Variants in ZNRF2 observed in about 807,000 individuals in gnomAD.
The protein encoded by ZNRF2 is E3 ubiquitin-protein ligase ZNRF2.
ZNRF2 carries 16 observed loss-of-function variants against 20.4 expected under a neutral mutation model. The observed-to-expected ratio is 0.79, with a 90% confidence interval of 0.53 to 1.19. ZNRF2 has a LOEUF of 1.19. Ranked by LOEUF, ZNRF2 falls within the 50% of genes most tolerant of loss-of-function variation. The pLI is 0.00. For synonymous variants in ZNRF2, 178 were observed against 144.9 expected (o/e 1.23, Z -1.64); for missense variants, 363 against 332.4 (o/e 1.09, Z -0.72).
intron 1 of ZNRF2, among the ~76,000 whole-genome samples, chr7:30,318,838 G>A (rs1396314755): frequency 2.0e-5 from 3 of 152,216 alleles, no homozygotes; most frequent in South Asian, 2.1e-4. Flanking sequence ...GAGGCTGGGT[G>A]TGTTGGCTCA....
At chr7:30,299,720 G>A (rs962267071) in intron 1 of ZNRF2, among the ~76,000 whole-genome samples, 12 of 149,938 alleles carry the variant, frequency 8.0e-5, no homozygotes, top group African/African-American at 2.9e-4. Flanking sequence ...ATGTGATTTT[G>A]TGATGGAGGC....
intron 1 of ZNRF2, among the ~76,000 whole-genome samples, chr7:30,322,766 A>G (rs1799493214): frequency 6.6e-6 from 1 of 152,286 alleles, no homozygotes; most frequent in East Asian, 1.9e-4. Flanking sequence ...CAGGTTTCCA[A>G]ACAGCTTAGT....
At chr7:30,335,880 T>C (rs1583587506) in intron 2 of ZNRF2, among the ~76,000 whole-genome samples, 1 of 151,960 alleles carries the variant, frequency 6.6e-6, no homozygotes, top group East Asian at 1.9e-4. Context: ...AGGGTGTAGG[T>C]GATGTGTTGG....
intron 1 of ZNRF2, among the ~76,000 whole-genome samples, chr7:30,286,953 A>G (rs1386001000): frequency 6.6e-6 from 1 of 152,218 alleles, no homozygotes; most frequent in Non-Finnish European, 1.5e-5. Context: ...ATCCGTTCTC[A>G]TGTTCTGTAC....
chr7:30,299,143 T>C (rs1396435684), intron 1 of ZNRF2, among the ~76,000 whole-genome samples: 2 of 152,182 alleles, frequency 1.3e-5, no homozygotes, highest in Non-Finnish European at 2.9e-5. Context: ...ATTTGGATGA[T>C]GCCCCTGGGC....
chr7:30,339,593 T>A (rs544213545), intron 2 of ZNRF2, among the ~76,000 whole-genome samples: 1 of 152,218 alleles, frequency 6.6e-6, no homozygotes, highest in Non-Finnish European at 1.5e-5. Context: ...GTGTTATTTC[T>A]GAGGCCTTTG....
At chr7:30,303,917 G>C (rs751284670) in intron 1 of ZNRF2, among the ~76,000 whole-genome samples, 12 of 152,200 alleles carry the variant, frequency 7.9e-5, no homozygotes, top group Non-Finnish European at 1.6e-4. Flanking sequence ...AATTCAGACT[G>C]TAAAAGCAGC....
At chr7:30,361,011 C>T (rs1441874866) in intron 3 of ZNRF2, among the ~76,000 whole-genome samples, 1 of 152,064 alleles carries the variant, frequency 6.6e-6, no homozygotes, top group East Asian at 1.9e-4. Flanking sequence ...GATTGACAGA[C>T]GTTTATGTGA....
intron 2 of ZNRF2, among the ~76,000 whole-genome samples, chr7:30,342,774 T>G (rs1799816533): frequency 6.6e-6 from 1 of 152,174 alleles, no homozygotes; most frequent in South Asian, 2.1e-4. Context: ...ATGTTTTAGC[T>G]CTGTTTCAAA....
chr7:30,319,111 C>CAAA (rs35424608), intron 1 of ZNRF2, among the ~76,000 whole-genome samples: 1 of 121,802 alleles, frequency 8.2e-6, no homozygotes, highest in Non-Finnish European at 1.8e-5. Context: ...AACTCCGTCT[C>CAAA]AAAAAAAAAA....
chr7:30,332,250 T>C (rs1370020689), intron 2 of ZNRF2, among the ~76,000 whole-genome samples: 1 of 152,160 alleles, frequency 6.6e-6, no homozygotes, highest in Non-Finnish European at 1.5e-5. Context: ...TCACGCATAG[T>C]TCTTCACAGA....
At chr7:30,342,278 A>C (rs1274656366) in intron 2 of ZNRF2, among the ~76,000 whole-genome samples, 1 of 152,138 alleles carries the variant, frequency 6.6e-6, no homozygotes, top group African/African-American at 2.4e-5. Context: ...TTATGATGCT[A>C]GCTGGTTATT....
rs185474727 is a variant in ZNRF2 at position 30,299,444 on chromosome 7, T to C, written c.469+13618T>C. Among the ~76,000 whole-genome samples, 1,106 of 151,340 alleles carry C rather than the reference T, an allele frequency of 7.3e-3. 4 individuals are homozygous for C. The highest frequency in any genetic ancestry group is 0.011 in the Non-Finnish European group (738 of 67,836). On this transcript the variant is annotated intron_variant, in intron 1 of 4. Coordinates refer to ENST00000323037, the MANE Select transcript of ZNRF2 (RefSeq NM_147128.4). ...CAAAAAAAAAAAAAAAATCAGATGA[T>C]GCAAAAAAAGTGAAAGTCACTTTCA... is the stretch of plus-strand genomic sequence containing the variant.
chr7:30,345,497 T>G (rs1480029891), intron 2 of ZNRF2, among the ~76,000 whole-genome samples: 1 of 152,104 alleles, frequency 6.6e-6, no homozygotes, highest in African/African-American at 2.4e-5. Flanking sequence ...AACCTACACA[T>G]TTGTATTTTA....
chr7:30,341,727 C>G (rs1393446870), intron 2 of ZNRF2, among the ~76,000 whole-genome samples: 1 of 152,088 alleles, frequency 6.6e-6, no homozygotes, highest in East Asian at 1.9e-4. Flanking sequence ...CTGTGGATGT[C>G]TCTTACGTCA....
intron 2 of ZNRF2, among the ~76,000 whole-genome samples, chr7:30,333,601 C>A (rs1279113018): frequency 6.6e-6 from 1 of 152,114 alleles, no homozygotes; most frequent in African/African-American, 2.4e-5. Context: ...AACTCCTGAC[C>A]TTGTGATCCT....
chr7:30,361,075 G>A (rs1800118946), intron 3 of ZNRF2, among the ~76,000 whole-genome samples: 1 of 152,176 alleles, frequency 6.6e-6, no homozygotes, highest in African/African-American at 2.4e-5. Context: ...AGAGTTACCT[G>A]GTTGTAAAAT....
At chr7:30,329,875 C>T (rs539098299) in intron 2 of ZNRF2, among the ~76,000 whole-genome samples, 1 of 152,238 alleles carries the variant, frequency 6.6e-6, no homozygotes, top group Admixed American at 6.5e-5. Context: ...TTTTGAGGAA[C>T]CTCTGTACTG....
chr7:30,314,803 A>ATATATG (rs1799343438), intron 1 of ZNRF2, among the ~76,000 whole-genome samples: 1 of 148,266 alleles, frequency 6.7e-6, no homozygotes, highest in African/African-American at 2.5e-5. Flanking sequence ...ATATATATAT[A>ATATATG]TGTATATATG....
Sources: allele counts gnomAD v4.1 joint callset (sites outside exome capture counted in the v4.1 genomes callset), GRCh38; gene constraint gnomAD v4.1.1; transcripts MANE v1.5; gene names NCBI Gene and HGNC (gene_info 2026-07-23, HGNC 2026-07-21).